Variants in SYNPO2 observed in about 807,000 individuals in gnomAD.
The protein encoded by SYNPO2 is synaptopodin 2, also known as synaptopodin-2.
In SYNPO2, 56 loss-of-function variants were observed where a neutral mutation model predicts 85.0. That is an observed-to-expected ratio of 0.66 (90% CI 0.53 to 0.82). The LOEUF (loss-of-function observed/expected upper bound fraction) is 0.82, where lower values mean the gene tolerates loss of function less well. SYNPO2 is among the 40% of genes least tolerant of loss of function. The pLI is 0.00. For missense variants in SYNPO2, 1,575 were observed against 1,534.2 expected, an observed-to-expected ratio of 1.03 and a Z score of -0.44; for synonymous variants, 602 against 591.1, an observed-to-expected ratio of 1.02 and a Z score of -0.27.
intron 4 of SYNPO2, chr4:119,038,005 C>A: frequency 3.2e-6 from 1 of 311,630 alleles, no homozygotes; most frequent in Non-Finnish European, 4.7e-6. Context: ...TCCCATTTTA[C>A]AGATGAGGTA....
At chr4:118,878,751 C>T (rs1731977445) in intron 1 of SYNPO2, among the ~76,000 whole-genome samples, 1 of 152,154 alleles carries the variant, frequency 6.6e-6, no homozygotes. Context: ...CCAATCAGCA[C>T]TCTGTAAAAT....
chr4:118,991,025 C>A (rs1736396544), intron 1 of SYNPO2, among the ~76,000 whole-genome samples: 1 of 152,224 alleles, frequency 6.6e-6, no homozygotes, highest in Non-Finnish European at 1.5e-5. Flanking sequence ...AAGTCAACTC[C>A]TTTGGGTTTA....
intron 4 of SYNPO2, among the ~76,000 whole-genome samples, chr4:119,051,403 G>T (rs1376829692): frequency 6.6e-6 from 1 of 151,116 alleles, no homozygotes; most frequent in African/African-American, 2.4e-5. Context: ...TTTTTAGCCG[G>T]GATGGTCTCG....
At chr4:118,862,789 TTTTC>T (rs530002079) in intron 1 of SYNPO2, among the ~76,000 whole-genome samples, 27 of 152,180 alleles carry the variant, frequency 1.8e-4, no homozygotes, top group Middle Eastern at 3.4e-3. Flanking sequence ...TGTAGTTTTC[TTTTC>T]TTTCTTTCTT....
At chr4:119,036,443 C>T (rs755241401) in intron 4 of SYNPO2, 13 of 985,224 alleles carry the variant, frequency 1.3e-5, no homozygotes, top group African/African-American at 5.2e-5. Flanking sequence ...TTGGTGTTGC[C>T]GAGTTAGTCA....
In SYNPO2 at chr4:118,954,476, T is replaced by C. The variant is rs143810497; in HGVS notation, c.105+65335T>C. Among the ~76,000 whole-genome samples the C allele has an allele frequency of 1.2e-4, 19 of 152,316 alleles. 1 individual carries two copies. In the East Asian group the frequency reaches 3.7e-3, roughly 29 times the overall value. On this transcript the variant is annotated intron_variant, in intron 1 of 4. Transcript: ENST00000307142. ...TATGTAGGTCTCAAATGTGAAACGA[T>C]GTTCAACCAAAAATGGGCATTTCAG...
In SYNPO2 at chr4:118,888,937, C is replaced by T; in HGVS notation, c.-100C>T. ...GGACGCTCTGCATTACCCAGTCTTGCGTCCTCGGCAGGCGCCCGAAGCTGA... is the reference window on the plus strand; with the variant it reads ...GGACGCTCTGCATTACCCAGTCTTGTGTCCTCGGCAGGCGCCCGAAGCTGA... On this transcript the variant is annotated 5_prime_UTR_variant, in exon 1 of 5. Transcript: ENST00000307142. The T allele has an allele frequency of 8.3e-7, 1 of 1,210,474 alleles. No homozygotes were observed. The highest frequency in any genetic ancestry group is 1.2e-6 in the Non-Finnish European group (1 of 822,132). The allele number at this position is 1,210,474 out of a possible 1,614,324, so 75.0% of individuals were successfully genotyped here. A position where few individuals can be genotyped will look rare whatever the true frequency, so the allele number is the denominator to read the frequency against.
At chr4:119,032,929 T>TGGG in intron 4 of SYNPO2, 4 of 905,308 alleles carry the variant, frequency 4.4e-6, no homozygotes, top group African/African-American at 1.8e-5. Context: ...AAAGGTTGAT[T>TGGG]CCCACCCTCC....
At chr4:118,963,550 T>C (rs1735186741) in intron 1 of SYNPO2, among the ~76,000 whole-genome samples, 1 of 152,232 alleles carries the variant, frequency 6.6e-6, no homozygotes, top group Non-Finnish European at 1.5e-5. Context: ...TTGCCCAGGC[T>C]GGCCTGGAAC....
intron 1 of SYNPO2, among the ~76,000 whole-genome samples, chr4:118,900,076 T>C (rs964303866): frequency 6.6e-6 from 1 of 152,232 alleles, no homozygotes; most frequent in African/African-American, 2.4e-5. Flanking sequence ...GTACTTTTTA[T>C]TTGAAAAATA....
At chr4:118,979,721 T>C (rs1735938592) in intron 1 of SYNPO2, among the ~76,000 whole-genome samples, 1 of 152,222 alleles carries the variant, frequency 6.6e-6, no homozygotes, top group South Asian at 2.1e-4. Context: ...CAGGAGGCCA[T>C]ACAAATTGTA....
chr4:119,007,157 C>T (rs191449776), intron 1 of SYNPO2, among the ~76,000 whole-genome samples: 94 of 144,166 alleles, frequency 6.5e-4, no homozygotes, highest in African/African-American at 2.2e-3. Context: ...CACACACACA[C>T]GCACACACAC....
rs578132793 is a variant in SYNPO2, at chr4:119,036,745, T to A, written c.3252+4718T>A. The A allele has an allele frequency of 9.9e-4, 976 of 988,680 alleles. 1 individual carries two copies. Among genetic ancestry groups the A allele is most frequent in the South Asian group, 2.3e-3 (49 of 21,296 alleles). The allele number at this position is 988,680 out of a possible 1,614,324, so 61.2% of individuals were successfully genotyped here. A position where few individuals can be genotyped will look rare whatever the true frequency, so the allele number is the denominator to read the frequency against. ...GATGCAGCCAGTTTCTTAATTTTTT[T>A]AAAAACTGTATGTTTCTGTGGTATG... On this transcript the variant is annotated intron_variant, in intron 4 of 4. Coordinates refer to ENST00000307142, the MANE Select transcript of SYNPO2 (RefSeq NM_133477.3).
chr4:118,951,210 A>C (rs1302898012), intron 1 of SYNPO2, among the ~76,000 whole-genome samples: 2 of 152,194 alleles, frequency 1.3e-5, no homozygotes, highest in Non-Finnish European at 2.9e-5. Context: ...TCTGGAGGCT[A>C]TGAAGTCCAA....
rs1737047167 is a variant in SYNPO2 at position 119,006,834 on chromosome 4, C to T, written c.106-16596C>T. Among the ~76,000 whole-genome samples the T allele has an allele frequency of 1.3e-5, 2 of 152,068 alleles. 1 individual carries two copies. The highest frequency in any genetic ancestry group is 4.1e-4 in the South Asian group (2 of 4,832). ...ATTGCAACATGCTGACATGGTCTCT[C>T]TCATTACATTTATCTTTCACTCTAC... On this transcript the variant is annotated intron_variant, in intron 1 of 4. Coordinates refer to ENST00000307142, the MANE Select transcript of SYNPO2 (RefSeq NM_133477.3).
chr4:118,940,207 A>T (rs1354194624), intron 1 of SYNPO2, among the ~76,000 whole-genome samples: 1 of 151,834 alleles, frequency 6.6e-6, no homozygotes, highest in Non-Finnish European at 1.5e-5. Context: ...GCTGGTGTCG[A>T]TCTCTCGACC....
Position 119,031,773 on chromosome 4 carries a change from C to G in SYNPO2, c.2998C>G (p.Leu1000Val). ...GTCATCAGTCAAGGTCAATTCAGCC[C>G]TGGCCATGAAGCAAGCTCTTCCTCC... ...QKSSVKVNSA[L>V]AMKQALPPRP... Residue 1000 changes from leucine (L) to valine (V), a missense_variant, in exon 4 of 5, where the codon CTG becomes GTG. By Grantham distance (32) the Leu-to-Val change is conservative. Around this residue, in one of 3 missense-constraint regions of SYNPO2, gnomAD observed 1,508 missense variants for 1,446.8 expected, o/e 1.04. Coordinates refer to ENST00000307142, the MANE Select transcript of SYNPO2 (RefSeq NM_133477.3). The G allele has an allele frequency of 1.2e-6, 2 of 1,614,214 alleles. No individual in the cohort carries two copies. Among genetic ancestry groups the G allele is most frequent in the Non-Finnish European group, 8.5e-7 (1 of 1,180,040 alleles).
At chr4:118,898,813 C>T (rs1732631611) in intron 1 of SYNPO2, among the ~76,000 whole-genome samples, 1 of 152,148 alleles carries the variant, frequency 6.6e-6, no homozygotes, top group African/African-American at 2.4e-5. Context: ...TGTCACCCTC[C>T]CAGAAGTGCA....
At chr4:118,919,737 G>A (rs1265863043) in intron 1 of SYNPO2, among the ~76,000 whole-genome samples, 1 of 152,168 alleles carries the variant, frequency 6.6e-6, no homozygotes, top group African/African-American at 2.4e-5. Flanking sequence ...GGATGGAGGA[G>A]AGAATCACAG....
Sources: gnomAD v4.1 joint callset for allele counts (sites outside exome capture counted in the v4.1 genomes callset) on GRCh38, gnomAD v4.1.1 for gene constraint, gnomAD v4.1.1 regional missense constraint, MANE v1.5 for transcripts, NCBI Gene and HGNC (gene_info 2026-07-23, HGNC 2026-07-21) for gene names.